The following FBP2 variants were observed in gnomAD, a reference collection of about 807,000 sequenced individuals.
FBP2 encodes fructose-1,6-bisphosphatase isozyme 2.
A neutral mutation model predicts 31.6 loss-of-function variants in FBP2; 27 were observed. The ratio of observed to expected loss-of-function variants is 0.85; its 90% CI spans 0.63 to 1.18. The LOEUF (loss-of-function observed/expected upper bound fraction) is 1.18, where lower values mean the gene tolerates loss of function less well. Among genes scored for constraint, FBP2 ranks in the 50% most tolerant of loss-of-function variants. The pLI is 0.00. For missense variants in FBP2, 421 were observed against 436.1 expected, an observed-to-expected ratio of 0.97 and a Z score of 0.31; for synonymous variants, 168 against 179.8, an observed-to-expected ratio of 0.93 and a Z score of 0.53.
intron 3 of FBP2, among the ~76,000 whole-genome samples, chr9:94,582,351 CGTGTGTGTGTGT>C (rs71366248): frequency 4.5e-4 from 66 of 147,850 alleles, no homozygotes; most frequent in East Asian, 7.9e-4. Flanking sequence ...TGTGTGTGTG[CGTGTGTGTGTGT>C]GTGTGTGTGT....
chr9:94,564,203 A>C (rs1053284668), intron 5 of FBP2, among the ~76,000 whole-genome samples: 2 of 152,224 alleles, frequency 1.3e-5, no homozygotes, highest in Admixed American at 6.5e-5. Flanking sequence ...CACACAGCAC[A>C]TACAGTAAAA....
At chr9:94,562,803 G>T (rs533090046) in intron 6 of FBP2, among the ~76,000 whole-genome samples, 1 of 152,284 alleles carries the variant, frequency 6.6e-6, no homozygotes, top group South Asian at 2.1e-4. Context: ...AGACCTTCCA[G>T]GAACTACCTT....
At chr9:94,582,850 C>CTTTTTTTTTT (rs1174064928) in intron 3 of FBP2, among the ~76,000 whole-genome samples, 1 of 107,552 alleles carries the variant, frequency 9.3e-6, no homozygotes, top group Non-Finnish European at 1.8e-5. Context: ...TCCCAGCCCC[C>CTTTTTTTTTT]TTTTTTTTTT....
At chr9:94,588,393 G>A (rs756486467) in intron 1 of FBP2, among the ~76,000 whole-genome samples, 1 of 152,118 alleles carries the variant, frequency 6.6e-6, no homozygotes, top group Non-Finnish European at 1.5e-5. Context: ...AGGCCAAGGC[G>A]TGTAGGTCGC....
chr9:94,562,030 C>T (rs543006963), intron 6 of FBP2, among the ~76,000 whole-genome samples: 54 of 152,074 alleles, frequency 3.6e-4, no homozygotes, highest in African/African-American at 1.2e-3. Flanking sequence ...TCCATGTCTT[C>T]GCCGGGCGCT....
intron 3 of FBP2, 129 bp from the exon 4 acceptor site, chr9:94,571,731 C>A: frequency 2.5e-6 from 2 of 813,568 alleles, no homozygotes; most frequent in Non-Finnish European, 3.7e-6. Context: ...TAAGCTGCTG[C>A]AAATCCATCC....
chr9:94,558,942 C>T lies in FBP2; in HGVS notation c.1016G>A (p.Ser339Asn). Residue 339 changes from serine (S) to asparagine (N), a missense_variant, in exon 7 of 7, where the codon AGC (serine) becomes AAC (asparagine). Coordinates refer to ENST00000375337, the MANE Select transcript of FBP2 (RefSeq NM_003837.4). The part of the protein sequence containing the change: ...LTCVQKNQAG[S>N] ...GGGCATGTGGGGTCAAACTCGCTAG[C>T]TGCCTGCCTGATTTTTCTGCACACA... The T allele has an allele frequency of 6.2e-7, 1 of 1,614,046 alleles. No homozygotes were observed. Among genetic ancestry groups the T allele is most frequent in the Non-Finnish European group, 8.5e-7 (1 of 1,179,986 alleles).
chr9:94,592,494 A>T (rs750745689), intron 1 of FBP2, among the ~76,000 whole-genome samples: 1 of 152,126 alleles, frequency 6.6e-6, no homozygotes, highest in Non-Finnish European at 1.5e-5. Flanking sequence ...CCTCCCCTGG[A>T]ATTACTACAA....
intron 5 of FBP2, 31 bp from the exon 6 acceptor site, chr9:94,563,492 C>T: frequency 1.2e-6 from 2 of 1,603,738 alleles, no homozygotes; most frequent in Non-Finnish European, 1.7e-6. Context: ...AGACAAGATC[C>T]AGTGGCTTTC....
Position 94,571,516 on chromosome 9 carries a change from T to G in FBP2, c.513A>C (p.Ala171=). 5.0e-6 allele frequency: 8 copies of G among 1,614,058 alleles called. No individual in the cohort carries two copies. Among genetic ancestry groups the G allele is most frequent in the Non-Finnish European group, 6.8e-6 (8 of 1,179,952 alleles). Reference sequence around the variant, plus strand: ...GCCCTGTGGAGAGAGCCACCAGGGTTGCACTACCGTACAGCGCATAACCTG... The same window carrying G: ...GCCCTGTGGAGAGAGCCACCAGGGTGGCACTACCGTACAGCGCATAACCTG... ...VAAGYALYGS[A]TLVALSTGQG... Residue 171 remains alanine (A), a synonymous_variant, in exon 4 of 7, where the codon GCA becomes GCC. Coordinates refer to ENST00000375337, the MANE Select transcript of FBP2 (RefSeq NM_003837.4).
intron 3 of FBP2, among the ~76,000 whole-genome samples, chr9:94,573,470 G>A (rs1827288806): frequency 1.3e-5 from 2 of 152,242 alleles, no homozygotes; most frequent in African/African-American, 4.8e-5. Context: ...TGTTGCCCAG[G>A]CTGGTCTCAA....
intron 3 of FBP2, among the ~76,000 whole-genome samples, chr9:94,582,850 CTTT>C (rs1174064928): frequency 1.3e-4 from 14 of 107,544 alleles, no homozygotes; most frequent in Middle Eastern, 6.3e-3. Context: ...TCCCAGCCCC[CTTT>C]TTTTTTTTTT....
chr9:94,564,854 T>C (rs2131443952), intron 5 of FBP2, among the ~76,000 whole-genome samples: 1 of 152,258 alleles, frequency 6.6e-6, no homozygotes, highest in Admixed American at 6.5e-5. Context: ...CATAGGAATA[T>C]GTTATAGTGT....
chr9:94,587,217 A>C, intron 2 of FBP2, 90 bp downstream of exon 2: 109 of 1,028,038 alleles, frequency 1.1e-4, no homozygotes, highest in Non-Finnish European at 1.4e-4. Context: ...ATAGAGGAGA[A>C]TCCCGGGAAT....
rs199965600 is a variant in FBP2, at chr9:94,587,294, C to T, written c.333+13G>A. On this transcript the variant is annotated intron_variant, in intron 2 of 6. Coordinates refer to ENST00000375337, the MANE Select transcript of FBP2 (RefSeq NM_003837.4). The stretch of plus-strand genomic sequence containing the variant: ...ATCTACTGGCGAGCGGGCACCGCAG[C>T]CCCATGACGCACCCGCTTCTCCTTG... 6.2e-6 allele frequency: 10 copies of T among 1,604,234 alleles called. No individual in the cohort carries two copies. The African/African-American group carries it at 9.4e-5, about 15-fold the overall frequency.
intron 1 of FBP2, among the ~76,000 whole-genome samples, chr9:94,590,452 G>C (rs1827481928): frequency 3.0e-5 from 1 of 33,896 alleles, no homozygotes; most frequent in Admixed American, 2.3e-4. Context: ...GCGGTCCCCT[G>C]CCTGGGTGGT....
chr9:94,571,436 C>T (rs1278133009), intron 4 of FBP2, 26 bp downstream of exon 4: 4 of 1,581,038 alleles, frequency 2.5e-6, no homozygotes, highest in Non-Finnish European at 3.4e-6. Flanking sequence ...TCCCCAGGCA[C>T]AGATGATGCC....
intron 1 of FBP2, among the ~76,000 whole-genome samples, chr9:94,591,771 A>C (rs1827506229): frequency 1.3e-5 from 2 of 152,164 alleles, no homozygotes; most frequent in African/African-American, 4.8e-5. Flanking sequence ...AACAACCCTA[A>C]GAGTTAGGGA....
intron 3 of FBP2, among the ~76,000 whole-genome samples, chr9:94,573,254 T>C (rs1321386297): frequency 5.3e-5 from 8 of 152,228 alleles, no homozygotes; most frequent in Admixed American, 4.6e-4. Flanking sequence ...ATTTCTTGTT[T>C]TCTAAGACTT....
Sources: allele counts gnomAD v4.1 joint callset (sites outside exome capture counted in the v4.1 genomes callset), GRCh38; gene constraint gnomAD v4.1.1; transcripts MANE v1.5; gene names NCBI Gene and HGNC (gene_info 2026-07-23, HGNC 2026-07-21).